Variants in CIT observed in about 807,000 individuals in gnomAD.
The protein encoded by CIT is citron rho-interacting serine/threonine kinase, also known as citron Rho-interacting kinase.
Under a neutral mutation model 272.7 loss-of-function variants are expected in CIT, and 79 were observed. The ratio of observed to expected loss-of-function variants is 0.29; its 90% CI spans 0.24 to 0.35. CIT has a LOEUF of 0.35. CIT is among the 10% of genes least tolerant of loss of function. The pLI, the probability that CIT is intolerant of heterozygous loss-of-function variation, is 1.00. For synonymous variants in CIT, 948 were observed against 995.6 expected, an observed-to-expected ratio of 0.95 and a Z score of 0.90; for missense variants, 1,909 against 2,618.3, an observed-to-expected ratio of 0.73 and a Z score of 5.91.
chr12:119,693,131 T>A (rs1956048408), intron 46 of CIT, among the ~76,000 whole-genome samples: 1 of 152,186 alleles, frequency 6.6e-6, no homozygotes, highest in Non-Finnish European at 1.5e-5. Flanking sequence ...GGACGTCAGC[T>A]GAGATTAACG....
intron 5 of CIT, among the ~76,000 whole-genome samples, chr12:119,834,832 A>C (rs1035312860): frequency 6.6e-6 from 1 of 152,194 alleles, no homozygotes; most frequent in Non-Finnish European, 1.5e-5. Flanking sequence ...GTAACAGGGG[A>C]AAAAAACATG....
intron 10 of CIT, among the ~76,000 whole-genome samples, chr12:119,787,299 C>T (rs758044139): frequency 3.9e-5 from 6 of 152,036 alleles, no homozygotes; most frequent in Non-Finnish European, 5.9e-5. Flanking sequence ...GGCATAGTGG[C>T]TCATGCCTCT....
rs1310420611 is a variant in CIT at position 119,690,677 on chromosome 12, T to C, written c.5883-223A>G. 6.6e-6 allele frequency among the ~76,000 whole-genome samples: 1 copy of C among 152,188 alleles called. No homozygotes were observed. The highest frequency in any genetic ancestry group is 2.4e-5 in the African/African-American group (1 of 41,450). The stretch of plus-strand genomic sequence containing the variant: ...ACAACCCACCTTCCTCAGTGCAGGC[T>C]TTCATTTACTGAGCACCTACTGTGT... On this transcript the variant is annotated intron_variant, in intron 46 of 47. Coordinates refer to ENST00000392521, the MANE Select transcript of CIT (RefSeq NM_001206999.2). The surrounding 1 kb of genome is among the most constrained non-coding windows in gnomAD (Gnocchi z 6.0).
At chr12:119,817,016 A>G (rs1967248652) in intron 9 of CIT, among the ~76,000 whole-genome samples, 2 of 152,196 alleles carry the variant, frequency 1.3e-5, no homozygotes. Flanking sequence ...TGTTCTAAAT[A>G]AACAGAAAAC....
At chr12:119,726,385 ATTTTT>A (rs3999547) in intron 28 of CIT, among the ~76,000 whole-genome samples, 4 of 101,418 alleles carry the variant, frequency 3.9e-5, no homozygotes, top group African/African-American at 1.3e-4. Context: ...CACTTGGCTA[ATTTTT>A]TTTTTTTTTT....
intron 44 of CIT, chr12:119,699,777 C>A (rs1293204236): frequency 2.2e-6 from 1 of 456,038 alleles, no homozygotes; most frequent in Non-Finnish European, 4.4e-6. Flanking sequence ...GGAGTTGGGG[C>A]CAATAATAAG....
At chr12:119,838,219 T>C (rs907595405) in intron 5 of CIT, among the ~76,000 whole-genome samples, 2 of 152,038 alleles carry the variant, frequency 1.3e-5, no homozygotes, top group South Asian at 2.1e-4. Context: ...ACTACAGGCA[T>C]GCGCCACCAT....
At chr12:119,756,848 G>C (rs1156914825) in intron 22 of CIT, among the ~76,000 whole-genome samples, 1 of 152,140 alleles carries the variant, frequency 6.6e-6, no homozygotes, top group African/African-American at 2.4e-5. Flanking sequence ...GCACAAATTG[G>C]CCAGGCATGG....
intron 41 of CIT, among the ~76,000 whole-genome samples, chr12:119,704,136 A>G (rs1956744823): frequency 6.6e-6 from 1 of 152,106 alleles, no homozygotes; most frequent in Admixed American, 6.5e-5. Context: ...CAGTTCGCAA[A>G]TGTGAGAAGA....
intron 24 of CIT, among the ~76,000 whole-genome samples, chr12:119,736,988 T>C (rs1308616660): frequency 3.9e-5 from 6 of 152,222 alleles, no homozygotes; most frequent in Non-Finnish European, 1.5e-5. Flanking sequence ...TTTCTTCATC[T>C]GTGACATGGG....
chr12:119,761,041 C>G lies in CIT; in HGVS notation c.2319G>C (p.Gln773His). 1 of 1,613,480 alleles carries G rather than the reference C, an allele frequency of 6.2e-7. No homozygotes were observed. Among genetic ancestry groups the G allele is most frequent in the South Asian group, 1.1e-5 (1 of 91,070 alleles). ...YEEKIKVLDN[Q>H]IKKDLADKET... ...CCTTGTCAGCCAGGTCTTTCTTTAT[C>G]TGATTGTCCAACACCTACAAAAACA... The change falls in exon 20 of 48, where the codon CAG (glutamine) becomes CAC (histidine). Residue 773 changes from glutamine (Q) to histidine (H), a missense_variant. Transcript: ENST00000392521.
chr12:119,823,594 G>T (rs889858274), intron 8 of CIT, among the ~76,000 whole-genome samples: 1 of 152,056 alleles, frequency 6.6e-6, no homozygotes, highest in African/African-American at 2.4e-5. Flanking sequence ...CTCAAGAGGA[G>T]GCTCAAGAAT....
intron 23 of CIT, among the ~76,000 whole-genome samples, chr12:119,748,553 C>T (rs931180435): frequency 6.6e-6 from 1 of 152,116 alleles, no homozygotes; most frequent in Non-Finnish European, 1.5e-5. Context: ...TTACATGCCC[C>T]GATTTCACAT....
At chr12:119,869,390 T>C (rs1950603388) in intron 2 of CIT, among the ~76,000 whole-genome samples, 189 bp from the exon 3 acceptor site, 1 of 152,216 alleles carries the variant, frequency 6.6e-6, no homozygotes, top group African/African-American at 2.4e-5. Context: ...CTTCCATGAT[T>C]CCAAGACTGT....
intron 26 of CIT, among the ~76,000 whole-genome samples, chr12:119,733,754 C>G (rs910635138): frequency 2.6e-5 from 4 of 151,946 alleles, no homozygotes; most frequent in African/African-American, 2.4e-5. Flanking sequence ...AATGACCCAG[C>G]CTGACATGTC....
At chr12:119,717,838 C>CCTTTTTTTTTTTTTTTTTTTTTT (rs1957598855) in intron 32 of CIT, among the ~76,000 whole-genome samples, 12 of 81,332 alleles carry the variant, frequency 1.5e-4, no homozygotes, top group Non-Finnish European at 2.0e-4. Context: ...TGACTTCTTT[C>CCTTTTTTTTTTTTTTTTTTTTTT]TTTTTTTTTT....
At chr12:119,791,827 T>A (rs1475208759) in intron 10 of CIT, among the ~76,000 whole-genome samples, 1 of 152,196 alleles carries the variant, frequency 6.6e-6, no homozygotes, top group Non-Finnish European at 1.5e-5. Flanking sequence ...CCAAAGAGTA[T>A]TAATAGGGAT....
At chr12:119,736,960 T>C (rs1696719) in intron 24 of CIT, among the ~76,000 whole-genome samples, 1 of 152,248 alleles carries the variant, frequency 6.6e-6, no homozygotes, top group African/African-American at 2.4e-5. Context: ...ATAAGCCATC[T>C]GACCTTTGCT....
intron 46 of CIT, among the ~76,000 whole-genome samples, chr12:119,696,484 G>T (rs1956228340): frequency 6.6e-6 from 1 of 152,146 alleles, no homozygotes; most frequent in South Asian, 2.1e-4. Flanking sequence ...TGGAGAAACA[G>T]GTTATCAGAG....
Sources: allele counts gnomAD v4.1 joint callset (sites outside exome capture counted in the v4.1 genomes callset), GRCh38; gene constraint gnomAD v4.1.1; non-coding constraint Gnocchi (gnomAD v3.1); transcripts MANE v1.5; gene names NCBI Gene and HGNC (gene_info 2026-07-23, HGNC 2026-07-21).